REPS1: variants seen among roughly 807,000 people sequenced by gnomAD.
REPS1 encodes ralBP1-associated Eps domain-containing protein 1.
A neutral mutation model predicts 100.9 loss-of-function variants in REPS1; 39 were observed. The observed-to-expected ratio is 0.39, with a 90% confidence interval of 0.30 to 0.50. The LOEUF (loss-of-function observed/expected upper bound fraction) is 0.50, where lower values mean the gene tolerates loss of function less well. REPS1 is among the 20% of genes least tolerant of loss of function. The probability of loss-of-function intolerance (pLI) is 0.86; values close to 1 mark genes in which losing one functional copy is unlikely to be tolerated. For synonymous variants in REPS1, 324 were observed against 340.3 expected, an observed-to-expected ratio of 0.95 and a Z score of 0.53; for missense variants, 821 against 968.5, an observed-to-expected ratio of 0.85 and a Z score of 2.02.
At chr6:138,973,179 G>C (rs1784426934) in intron 1 of REPS1, among the ~76,000 whole-genome samples, 1 of 152,098 alleles carries the variant, frequency 6.6e-6, no homozygotes, top group Non-Finnish European at 1.5e-5. Flanking sequence ...GGGGTTATCT[G>C]GTTGGGATGA....
intron 13 of REPS1, among the ~76,000 whole-genome samples, chr6:138,916,464 G>A (rs1235805492): frequency 3.3e-5 from 5 of 151,782 alleles, no homozygotes; most frequent in South Asian, 2.1e-4. Context: ...CAGGTGATCC[G>A]CCCACCTTAG....
chr6:138,919,207 A>C lies in REPS1; in HGVS notation c.1528+1008T>G, dbSNP rs963958508. On this transcript the variant is annotated intron_variant, in intron 12 of 19. Transcript: ENST00000450536. ...CTCTTACATCCTATAGCACACAGGT[A>C]AAAGCAACTCCTGAGGTCTTTTCCT... is the stretch of plus-strand genomic sequence containing the variant. Among the ~76,000 whole-genome samples, 37 of 152,172 alleles carry C rather than the reference A, an allele frequency of 2.4e-4. 1 individual carries two copies. Among genetic ancestry groups the C allele is most frequent in the Non-Finnish European group, 5.9e-5 (4 of 68,022 alleles).
chr6:138,946,535 A>G lies in REPS1; in HGVS notation c.278-838T>C, dbSNP rs944823110. The stretch of plus-strand genomic sequence containing the variant: ...AAACTATTAAGCTTATTCAATATAC[A>G]TGTAAAAGAATTCAAAATTACCTGA... On this transcript the variant is annotated intron_variant, in intron 2 of 19. Coordinates refer to ENST00000450536, the MANE Select transcript of REPS1 (RefSeq NM_001286611.2). 2.6e-5 allele frequency among the ~76,000 whole-genome samples: 4 copies of G among 152,332 alleles called. No homozygotes were observed. In the East Asian group the frequency reaches 7.7e-4, roughly 29 times the overall value.
chr6:138,947,985 A>C, intron 1 of REPS1, 72 bp from the exon 2 acceptor site: 1 of 1,388,118 alleles, frequency 7.2e-7, no homozygotes, highest in Non-Finnish European at 9.7e-7. Flanking sequence ...CAGCTACCCA[A>C]CTTGTTTGTA....
chr6:138,981,719 A>C (rs1273552813), intron 1 of REPS1, among the ~76,000 whole-genome samples: 1 of 152,182 alleles, frequency 6.6e-6, no homozygotes, highest in Admixed American at 6.5e-5. Flanking sequence ...TGAAAACCCA[A>C]TCCCATAGCT....
At chr6:138,910,597 G>A (rs1950064) in intron 17 of REPS1, among the ~76,000 whole-genome samples, 22,553 of 152,120 alleles carry the variant, frequency 0.15, 1,768 homozygotes, top group African/African-American at 0.17. Flanking sequence ...CAAGTGATCC[G>A]CCTGCCTTGG....
intron 1 of REPS1, among the ~76,000 whole-genome samples, chr6:138,972,434 T>G (rs1784389993): frequency 6.6e-6 from 1 of 152,188 alleles, no homozygotes; most frequent in Non-Finnish European, 1.5e-5. Context: ...CTTTTAAGGC[T>G]GATTACGCAT....
intron 10 of REPS1, among the ~76,000 whole-genome samples, chr6:138,923,812 T>A (rs1780932946): frequency 6.6e-6 from 1 of 152,216 alleles, no homozygotes; most frequent in Non-Finnish European, 1.5e-5. Flanking sequence ...TTGCACTGAC[T>A]TTTACTGAGC....
intron 1 of REPS1, among the ~76,000 whole-genome samples, chr6:138,987,007 A>C (rs1365771031): frequency 6.6e-6 from 1 of 152,206 alleles, no homozygotes; most frequent in African/African-American, 2.4e-5. Flanking sequence ...TTGTAAAACT[A>C]CTAAGTAGTT....
chr6:138,937,804 G>A (rs539113774), intron 8 of REPS1, among the ~76,000 whole-genome samples: 2 of 152,256 alleles, frequency 1.3e-5, no homozygotes, highest in East Asian at 3.9e-4. Context: ...TACTCAATTT[G>A]CACCTTGCTA....
chr6:138,956,833 G>T (rs992329694), intron 1 of REPS1, among the ~76,000 whole-genome samples: 1 of 151,852 alleles, frequency 6.6e-6, no homozygotes, highest in South Asian at 2.1e-4. Flanking sequence ...CACACAGAGG[G>T]AAAGAATCTT....
intron 1 of REPS1, among the ~76,000 whole-genome samples, chr6:138,975,783 G>A (rs889809848): frequency 2.6e-5 from 4 of 152,052 alleles, no homozygotes; most frequent in African/African-American, 4.8e-5. Flanking sequence ...GCAGTGAGTC[G>A]AGATTGTGCC....
chr6:138,955,185 C>T (rs1783293869), intron 1 of REPS1, among the ~76,000 whole-genome samples: 1 of 151,992 alleles, frequency 6.6e-6, no homozygotes, highest in Non-Finnish European at 1.5e-5. Context: ...TATGATGGCT[C>T]ACACCTGTAA....
chr6:138,959,663 T>C (rs1208625675), intron 1 of REPS1, among the ~76,000 whole-genome samples: 1 of 152,220 alleles, frequency 6.6e-6, no homozygotes, highest in Non-Finnish European at 1.5e-5. Flanking sequence ...CAACACTGGC[T>C]AGCCAGTCAC....
intron 1 of REPS1, among the ~76,000 whole-genome samples, chr6:138,978,481 C>CA (rs111452850): frequency 2.0e-5 from 3 of 147,502 alleles, no homozygotes; most frequent in Non-Finnish European, 4.5e-5. Flanking sequence ...TTTATTTTAT[C>CA]TTTTTTTTTT....
chr6:138,916,380 C>T (rs1780397380), intron 13 of REPS1, among the ~76,000 whole-genome samples: 1 of 151,020 alleles, frequency 6.6e-6, no homozygotes, highest in African/African-American at 2.4e-5. Context: ...GCTACCATGC[C>T]CGGCTAATTT....
intron 2 of REPS1, among the ~76,000 whole-genome samples, chr6:138,947,459 C>T (rs940887507): frequency 1.3e-5 from 2 of 152,104 alleles, no homozygotes; most frequent in South Asian, 2.1e-4. Flanking sequence ...TGAAGATGGT[C>T]GCTGTAATTT....
At position 138,945,625 on chromosome 6, in the gene REPS1, G is replaced by T. The variant is rs544803378; in HGVS notation, c.350C>A (p.Ser117Tyr). The T allele has an allele frequency of 6.2e-7, 1 of 1,613,670 alleles. No individual in the cohort carries two copies. Among genetic ancestry groups the T allele is most frequent in the East Asian group, 2.2e-5 (1 of 44,882 alleles). Residue 117 changes from serine (S) to tyrosine (Y), a missense_variant, in exon 3 of 20, where the codon TCT becomes TAT. This residue lies in a region of REPS1 where 757 missense variants were observed against 866.4 expected (regional missense o/e 0.87). Coordinates refer to ENST00000450536, the MANE Select transcript of REPS1 (RefSeq NM_001286611.2). ...EQESRHAASY[S>Y]SDSENQGSYS... ...CGACCCTTGATTTTCAGAATCTGAA[G>T]AATATGAGGCTGCATGGCGAGATTC...
chr6:138,980,896 C>T (rs1203513895), intron 1 of REPS1, among the ~76,000 whole-genome samples: 1 of 152,172 alleles, frequency 6.6e-6, no homozygotes, highest in East Asian at 1.9e-4. Context: ...GAGAAGATGT[C>T]TTGATCCTTC....
Sources: allele counts gnomAD v4.1 joint callset (sites outside exome capture counted in the v4.1 genomes callset), GRCh38; gene constraint gnomAD v4.1.1; regional missense constraint gnomAD v4.1.1; transcripts MANE v1.5; gene names NCBI Gene and HGNC (gene_info 2026-07-23, HGNC 2026-07-21).